Variants in EIF4E3 observed in about 807,000 individuals in gnomAD.
The protein encoded by EIF4E3 is eukaryotic translation initiation factor 4E type 3.
In EIF4E3, 26 loss-of-function variants were observed where a neutral mutation model predicts 31.7. That is an observed-to-expected ratio of 0.82 (90% CI 0.60 to 1.14). EIF4E3 has a LOEUF of 1.14. Among genes scored for constraint, EIF4E3 ranks in the 50% most tolerant of loss-of-function variants. EIF4E3 has a pLI of 0.00. For missense variants in EIF4E3, 304 were observed against 270.9 expected (o/e 1.12, Z -0.86); for synonymous variants, 128 against 107.7 (o/e 1.19, Z -1.17).
intron 2 of EIF4E3, among the ~76,000 whole-genome samples, chr3:71,703,410 G>A (rs1408553178): frequency 6.6e-6 from 1 of 152,204 alleles, no homozygotes; most frequent in East Asian, 1.9e-4. Flanking sequence ...CACAGGTCAT[G>A]TAGCCCGTGA....
chr3:71,719,024 G>C (rs2049506066), intron 1 of EIF4E3, among the ~76,000 whole-genome samples: 1 of 152,088 alleles, frequency 6.6e-6, no homozygotes, highest in African/African-American at 2.4e-5. Context: ...ATGACTTTGG[G>C]GTCCCTTTTG....
At chr3:71,729,296 A>AC (rs371551693), upstream of EIF4E3, 1 of 152,328 alleles carries the variant, frequency 6.6e-6, no homozygotes, top group African/African-American at 2.4e-5. Context: ...CCAATGAGGA[A>AC]CCTGAGGTTC....
In EIF4E3 at chr3:71,688,338, A is replaced by G. The variant is rs183571131; in HGVS notation, c.628+1672T>C. On this transcript the variant is annotated intron_variant, in intron 6 of 6. Coordinates refer to ENST00000425534, the MANE Select transcript of EIF4E3 (RefSeq NM_001134651.2). ...GTGGCCTTATTATCTGATAAAACAG[A>G]TATCTTATTATCTGTGTTGAGCCTG... Among the ~76,000 whole-genome samples, 124 of 152,328 alleles carry G rather than the reference A, an allele frequency of 8.1e-4. 1 individual carries two copies. The highest frequency in any genetic ancestry group is 2.9e-3 in the African/African-American group (119 of 41,580).
rs796328837 is a variant in EIF4E3 at position 71,714,240 on chromosome 3, G to GGGAAGGAA, written c.177-3757_177-3756insTTCCTTCC. 5.9e-3 allele frequency among the ~76,000 whole-genome samples: 605 copies of GGGAAGGAA among 102,650 alleles called. 5 individuals carry two copies. The highest frequency in any genetic ancestry group is 8.3e-3 in the Non-Finnish European group (420 of 50,496). 67.3% of individuals were successfully genotyped at this position (102,650 alleles called of 152,430 possible). A position where few individuals can be genotyped will look rare whatever the true frequency, so the allele number is the denominator to read the frequency against. Reference sequence around the variant, plus strand: ...AAAAAAGAAAGAAAGAAGGGAAGAAGGAAAGGAAGGAAGGAAGGAAGGAAG... The same window carrying GGGAAGGAA: ...AAAAAAGAAAGAAAGAAGGGAAGAAGGGAAGGAAGAAAGGAAGGAAGGAAGGAAGGAAG... On this transcript the variant is annotated intron_variant, in intron 1 of 6. Coordinates refer to ENST00000425534, the MANE Select transcript of EIF4E3 (RefSeq NM_001134651.2).
chr3:71,743,635 A>T (rs896537541), intron 1 of EIF4E3, among the ~76,000 whole-genome samples: 6 of 152,174 alleles, frequency 3.9e-5, no homozygotes, highest in African/African-American at 1.4e-4. Flanking sequence ...ACATATGTCA[A>T]TGCTAATGAC....
intron 1 of EIF4E3, among the ~76,000 whole-genome samples, chr3:71,748,956 G>A (rs1477817480): frequency 1.3e-5 from 2 of 152,192 alleles, no homozygotes; most frequent in Admixed American, 1.3e-4. Context: ...CATACATATT[G>A]AGAACCTACT....
At chr3:71,690,453 A>G (rs141745101) in intron 5 of EIF4E3, among the ~76,000 whole-genome samples, 196 of 152,302 alleles carry the variant, frequency 1.3e-3, no homozygotes, top group East Asian at 8.7e-3. Context: ...ACATTACCAA[A>G]GCTTTGTGAC....
intron 5 of EIF4E3, among the ~76,000 whole-genome samples, chr3:71,691,313 G>C (rs987976428): frequency 3.3e-5 from 5 of 152,070 alleles, no homozygotes; most frequent in African/African-American, 1.2e-4. Context: ...TTAGTATTAG[G>C]ATATAATTTA....
intron 5 of EIF4E3, among the ~76,000 whole-genome samples, chr3:71,692,177 CCA>C (rs1484148447): frequency 6.6e-6 from 1 of 152,192 alleles, no homozygotes; most frequent in Non-Finnish European, 1.5e-5. Context: ...GTAGAATCAA[CCA>C]GCAAAACCTT....
chr3:71,668,570 A>G, the EIF4E3 span, among the ~76,000 whole-genome samples: 1 of 152,140 alleles, frequency 6.6e-6, no homozygotes, highest in African/African-American at 2.4e-5. Flanking sequence ...CAACCCCATC[A>G]AAAAGTGGGC....
At chr3:71,691,545 G>C (rs1336378356) in intron 5 of EIF4E3, among the ~76,000 whole-genome samples, 1 of 152,188 alleles carries the variant, frequency 6.6e-6, no homozygotes, top group Non-Finnish European at 1.5e-5. Flanking sequence ...AGTTAGACTG[G>C]AGGTTACCTT....
intron 2 of EIF4E3, among the ~76,000 whole-genome samples, chr3:71,702,039 G>T (rs546983029): frequency 2.0e-5 from 3 of 152,284 alleles, no homozygotes; most frequent in Admixed American, 1.3e-4. Flanking sequence ...TCTGAATCCA[G>T]GCAATTTGAT....
intron 1 of EIF4E3, among the ~76,000 whole-genome samples, chr3:71,720,237 T>C (rs535926335): frequency 2.6e-5 from 4 of 152,096 alleles, no homozygotes; most frequent in Admixed American, 2.0e-4. Context: ...TGGAGTGTAT[T>C]GGTGTGATCA....
chr3:71,703,632 C>T (rs1260160759), intron 2 of EIF4E3, among the ~76,000 whole-genome samples: 1 of 152,066 alleles, frequency 6.6e-6, no homozygotes, highest in East Asian at 1.9e-4. Context: ...AATAGATAAT[C>T]ATTCATTACC....
At chr3:71,727,522 T>C (rs1230691662), upstream of EIF4E3, among the ~76,000 whole-genome samples, 5 of 152,230 alleles carry the variant, frequency 3.3e-5, no homozygotes, top group Non-Finnish European at 7.3e-5. Flanking sequence ...TTTTCTTATA[T>C]AAATAATGCT....
chr3:71,689,941 A>G, intron 6 of EIF4E3, 69 bp downstream of exon 6: 1 of 1,360,670 alleles, frequency 7.3e-7, no homozygotes, highest in Non-Finnish European at 9.6e-7. Flanking sequence ...CACATTTGCA[A>G]AACAGTTTCT....
rs1484292489 is a variant in EIF4E3, at chr3:71,710,409, T to C, written c.249+3A>G. The C allele has an allele frequency of 1.3e-6, 2 of 1,552,078 alleles. No individual in the cohort carries two copies. Among genetic ancestry groups the C allele is most frequent in the Non-Finnish European group, 1.7e-6 (2 of 1,147,038 alleles). ...ATCCAGTTAGTCCCTCTCTTGATCTTACCTGTACTGTCTGTACTGTGTAGA... is the reference window on the plus strand; with the variant it reads ...ATCCAGTTAGTCCCTCTCTTGATCTCACCTGTACTGTCTGTACTGTGTAGA... On this transcript the variant is annotated splice_donor_region_variant and intron_variant, in intron 2 of 6. Coordinates refer to ENST00000425534, the MANE Select transcript of EIF4E3 (RefSeq NM_001134651.2).
intron 1 of EIF4E3, among the ~76,000 whole-genome samples, chr3:71,730,686 A>G (rs1340792292): frequency 6.6e-6 from 1 of 152,044 alleles, no homozygotes. Context: ...TCTGCCTGCA[A>G]TCCGTGTGTT....
chr3:71,691,604 C>T (rs912578279), intron 5 of EIF4E3, among the ~76,000 whole-genome samples: 2 of 152,136 alleles, frequency 1.3e-5, no homozygotes, highest in Non-Finnish European at 2.9e-5. Context: ...TGGTAATGTC[C>T]TGCTTGTACA....
Sources: gnomAD v4.1 joint callset for allele counts (sites outside exome capture counted in the v4.1 genomes callset) on GRCh38, gnomAD v4.1.1 for gene constraint, MANE v1.5 for transcripts, NCBI Gene and HGNC (gene_info 2026-07-23, HGNC 2026-07-21) for gene names.